The following SORCS2 variants were observed in gnomAD, a reference collection of about 807,000 sequenced individuals.
SORCS2 encodes the protein sortilin related VPS10 domain containing receptor 2.
In SORCS2, 100 loss-of-function variants were observed where a neutral mutation model predicts 141.6. The ratio of observed to expected loss-of-function variants is 0.71; its 90% CI spans 0.60 to 0.83. SORCS2 has a LOEUF of 0.83. SORCS2 is among the 40% of genes least tolerant of loss of function. The pLI is 0.00. For synonymous variants in SORCS2, 789 were observed against 676.9 expected, an observed-to-expected ratio of 1.17 and a Z score of -2.57; for missense variants, 1,646 against 1,560.2, an observed-to-expected ratio of 1.05 and a Z score of -0.93.
chr4:7,218,913 C>G (rs1221017214), intron 1 of SORCS2, among the ~76,000 whole-genome samples: 1 of 152,216 alleles, frequency 6.6e-6, no homozygotes, highest in Non-Finnish European at 1.5e-5. Context: ...TCTTACTGCA[C>G]TGCCCGCAGG....
intron 1 of SORCS2, among the ~76,000 whole-genome samples, chr4:7,281,038 C>T (rs181188766): frequency 1.3e-5 from 2 of 152,282 alleles, no homozygotes; most frequent in Admixed American, 6.5e-5. Flanking sequence ...ACCACAAATG[C>T]GAGTCGCGTG....
At chr4:7,236,650 C>T (rs953435127) in intron 1 of SORCS2, among the ~76,000 whole-genome samples, 1 of 152,146 alleles carries the variant, frequency 6.6e-6, no homozygotes, top group South Asian at 2.1e-4. Flanking sequence ...GGCACAATCT[C>T]GGCTCACTAC....
chr4:7,318,574 C>A (rs182169488), intron 1 of SORCS2, among the ~76,000 whole-genome samples: 4 of 152,164 alleles, frequency 2.6e-5, no homozygotes, highest in African/African-American at 7.2e-5. Flanking sequence ...AAATGTCTAT[C>A]GCATCTATGC....
chr4:7,646,105 G>A (rs879502365), intron 4 of SORCS2, among the ~76,000 whole-genome samples: 1 of 152,268 alleles, frequency 6.6e-6, no homozygotes, highest in Non-Finnish European at 1.5e-5. Flanking sequence ...TGCCGCAGGT[G>A]AGCGAGGCAG....
intron 1 of SORCS2, among the ~76,000 whole-genome samples, chr4:7,379,422 G>A (rs1400615089): frequency 6.6e-6 from 1 of 152,228 alleles, no homozygotes; most frequent in Non-Finnish European, 1.5e-5. Flanking sequence ...AGATAAGCGT[G>A]AGGAGGGCCT....
chr4:7,639,988 C>A (rs537006382), intron 4 of SORCS2, among the ~76,000 whole-genome samples: 1 of 147,426 alleles, frequency 6.8e-6, no homozygotes, highest in East Asian at 2.1e-4. Flanking sequence ...GATGTGAGCA[C>A]GTGTGCGAGT....
In SORCS2 at chr4:7,433,885, A is replaced by T; in HGVS notation, c.548+37530A>T. ...CACCAAGATGATGCACTCCTTCGTG[A>T]TAGAGGCAGGCATTACCGAGCACAC... On this transcript the variant is annotated intron_variant, in intron 2 of 26. Transcript: ENST00000507866. 4 of 1,613,794 alleles carry T rather than the reference A, an allele frequency of 2.5e-6. No homozygotes were observed. In the South Asian group the frequency reaches 3.3e-5, roughly 13 times the overall value.
At chr4:7,446,378 G>T (rs371719889) in intron 2 of SORCS2, among the ~76,000 whole-genome samples, 302 of 152,332 alleles carry the variant, frequency 2.0e-3, no homozygotes, top group African/African-American at 6.9e-3. Flanking sequence ...AGGGGCTACA[G>T]GTAGCTTCAC....
At position 7,432,934 on chromosome 4, in the gene SORCS2, C is replaced by T. The variant is rs148422088; in HGVS notation, c.548+36579C>T. ...CGTCCACCCCTGCCTCCGCTCACCC[C>T]GGCCATGACCCCAGCCTGGCTCACA... is the stretch of plus-strand genomic sequence containing the variant. On this transcript the variant is annotated intron_variant, in intron 2 of 26. Transcript: ENST00000507866. 2.5e-4 allele frequency: 43 copies of T among 168,718 alleles called. No individual in the cohort carries two copies. The East Asian group carries it at 5.4e-3, about 21-fold the overall frequency. 10.5% of individuals were successfully genotyped at this position (168,718 alleles called of 1,614,324 possible).
intron 2 of SORCS2, 133 bp from the exon 3 acceptor site, chr4:7,531,397 G>A: frequency 5.4e-6 from 4 of 742,140 alleles, no homozygotes; most frequent in Non-Finnish European, 9.1e-6. Flanking sequence ...CAGGCAGAGT[G>A]CCCAGGACTG....
At position 7,740,464 on chromosome 4, in the gene SORCS2, C is replaced by A; in HGVS notation, c.*200C>A. 1.7e-6 allele frequency: 1 copy of A among 589,196 alleles called. No homozygotes were observed. The highest frequency in any genetic ancestry group is 3.0e-6 in the Non-Finnish European group (1 of 329,160). The allele number at this position is 589,196 out of a possible 1,614,324, so 36.5% of individuals were successfully genotyped here. On this transcript the variant is annotated 3_prime_UTR_variant, in exon 27 of 27. Transcript: ENST00000507866. ...GGGCCCACGGGACCCCCCGGGACTC[C>A]CCGGACATGGCCCTGCCCCTATGGG...
chr4:7,671,809 C>CAA (rs1460544721), intron 8 of SORCS2, among the ~76,000 whole-genome samples: 1 of 151,934 alleles, frequency 6.6e-6, no homozygotes, highest in Non-Finnish European at 1.5e-5. Flanking sequence ...AATAATGGCC[C>CAA]AAAACTCCCC....
intron 1 of SORCS2, among the ~76,000 whole-genome samples, chr4:7,285,128 G>A (rs963586872): frequency 3.3e-5 from 5 of 151,860 alleles, no homozygotes; most frequent in Admixed American, 2.6e-4. Flanking sequence ...CACCTCCTGG[G>A]TTCAAACGAT....
intron 2 of SORCS2, among the ~76,000 whole-genome samples, chr4:7,398,224 C>T (rs1253671273): frequency 1.3e-5 from 2 of 152,196 alleles, no homozygotes; most frequent in Admixed American, 6.5e-5. Flanking sequence ...CACTTACAGG[C>T]TCCAGACAGG....
At chr4:7,618,939 G>C (rs182616856) in intron 3 of SORCS2, among the ~76,000 whole-genome samples, 15 of 152,140 alleles carry the variant, frequency 9.9e-5, no homozygotes, top group Non-Finnish European at 2.9e-5. Flanking sequence ...TGCACAGTGC[G>C]GGGGAGACTG....
intron 2 of SORCS2, among the ~76,000 whole-genome samples, chr4:7,474,763 C>T (rs933529413): frequency 5.3e-5 from 8 of 152,194 alleles, no homozygotes; most frequent in African/African-American, 1.4e-4. Flanking sequence ...CTATAATAAA[C>T]GACTGCCAGC....
chr4:7,197,784 G>T (rs79221164), intron 1 of SORCS2, among the ~76,000 whole-genome samples: 1,784 of 152,312 alleles, frequency 0.012, 34 homozygotes, highest in African/African-American at 0.041. Flanking sequence ...TCGCAGTGAC[G>T]AGTGGTGGAC....
chr4:7,571,160 G>A (rs147917444), intron 3 of SORCS2, among the ~76,000 whole-genome samples: 210 of 152,354 alleles, frequency 1.4e-3, no homozygotes, highest in African/African-American at 4.8e-3. Flanking sequence ...AGAATGCAGT[G>A]AACCTGGGCA....
chr4:7,462,545 C>A (rs1196620991), intron 2 of SORCS2, among the ~76,000 whole-genome samples: 2 of 152,080 alleles, frequency 1.3e-5, no homozygotes, highest in Non-Finnish European at 2.9e-5. Context: ...CTGGATTCCT[C>A]CCCTCCTGGT....
Sources: gnomAD v4.1 joint callset for allele counts (sites outside exome capture counted in the v4.1 genomes callset) on GRCh38, gnomAD v4.1.1 for gene constraint, MANE v1.5 for transcripts, NCBI Gene and HGNC (gene_info 2026-07-23, HGNC 2026-07-21) for gene names.